Variants in POLR3F observed in about 807,000 individuals in gnomAD.
POLR3F encodes RNA polymerase III subunit F.
A neutral mutation model predicts 43.6 loss-of-function variants in POLR3F; 31 were observed. That is an observed-to-expected ratio of 0.71 (90% CI 0.53 to 0.96). The LOEUF is 0.96. Ranked by LOEUF, POLR3F falls within the 40% of genes least tolerant of loss-of-function variation. The pLI is 0.00. For synonymous variants in POLR3F, 114 were observed against 132.5 expected, an observed-to-expected ratio of 0.86 and a Z score of 0.96; for missense variants, 316 against 391.7, an observed-to-expected ratio of 0.81 and a Z score of 1.63.
At position 18,472,907 on chromosome 20, in the gene POLR3F, T is replaced by C; in HGVS notation, c.246T>C (p.Ala82=). The change falls in exon 3 of 9, where the codon GCT becomes GCC. Residue 82 remains alanine, a splice_region_variant and synonymous_variant. Coordinates refer to ENST00000377603, the MANE Select transcript of POLR3F (RefSeq NM_006466.4). ...ATAGAATAAAGGACTCTCAGAATGC[T>C]GGGTAAGTACTTGTTTTTTTAATTT... is the stretch of plus-strand genomic sequence containing the variant. ...LLYRIKDSQN[A]GKMKGSDNQE... is the part of the protein sequence containing the mutation. 7.2e-7 allele frequency: 1 copy of C among 1,388,734 alleles called. No individual in the cohort carries two copies. Among genetic ancestry groups the C allele is most frequent in the Non-Finnish European group, 1.0e-6 (1 of 990,362 alleles). The allele number at this position is 1,388,734 out of a possible 1,614,324, so 86.0% of individuals were successfully genotyped here. A position where few individuals can be genotyped will look rare whatever the true frequency, so the allele number is the denominator to read the frequency against.
At chr20:18,475,607 G>T (rs916407489) in intron 5 of POLR3F, among the ~76,000 whole-genome samples, 2 of 152,192 alleles carry the variant, frequency 1.3e-5, no homozygotes, top group Non-Finnish European at 2.9e-5. Context: ...TAGTACACGT[G>T]TGTTTTTCCT....
At position 18,484,271 on chromosome 20, in the gene POLR3F, T is replaced by C; in HGVS notation, c.*713T>C. 2.5e-6 allele frequency: 1 copy of C among 397,498 alleles called. No individual in the cohort carries two copies. The highest frequency in any genetic ancestry group is 4.4e-6 in the Non-Finnish European group (1 of 225,532). 24.6% of individuals were successfully genotyped at this position (397,498 alleles called of 1,614,324 possible). On this transcript the variant is annotated 3_prime_UTR_variant, in exon 9 of 9. Coordinates refer to ENST00000377603, the MANE Select transcript of POLR3F (RefSeq NM_006466.4). ...TTCCTTCTTTCTTAAAGTCTTATGT[T>C]TCACTCTTTAACTCAAATGTATTCT...
chr20:18,474,419 T>C (rs1207676730), intron 4 of POLR3F, among the ~76,000 whole-genome samples: 3 of 152,204 alleles, frequency 2.0e-5, no homozygotes, highest in Admixed American at 2.0e-4. Context: ...ATTTACAATC[T>C]AAAATGAAAG....
intron 2 of POLR3F, 135 bp downstream of exon 2, chr20:18,469,196 T>C: frequency 1.5e-6 from 1 of 653,784 alleles, no homozygotes; most frequent in South Asian, 1.8e-5. Flanking sequence ...TTAAATATTT[T>C]ATTGGAGTGT....
At chr20:18,472,317 G>A (rs1398597905) in intron 2 of POLR3F, among the ~76,000 whole-genome samples, 2 of 151,932 alleles carry the variant, frequency 1.3e-5, no homozygotes, top group African/African-American at 2.4e-5. Context: ...CCATGTAGCC[G>A]GGACTACAGG....
intron 4 of POLR3F, among the ~76,000 whole-genome samples, chr20:18,473,780 T>C (rs2059766139): frequency 6.6e-6 from 1 of 152,204 alleles, no homozygotes; most frequent in South Asian, 2.1e-4. Flanking sequence ...TATATGACCA[T>C]GGACAAGTTA....
rs776490073 is a variant in POLR3F, at chr20:18,467,501, G to A, written c.-6G>A. 6.2e-7 allele frequency: 1 copy of A among 1,614,238 alleles called. No homozygotes were observed. Among genetic ancestry groups the A allele is most frequent in the Non-Finnish European group, 8.5e-7 (1 of 1,180,030 alleles). ...TTTCCCCCCAGGCGTCAGGAACTGCGCCCTCATGGCGGAGGTGAAGGTGAA... is the reference window on the plus strand; with the variant it reads ...TTTCCCCCCAGGCGTCAGGAACTGCACCCTCATGGCGGAGGTGAAGGTGAA... On this transcript the variant is annotated 5_prime_UTR_variant, in exon 1 of 9. Coordinates refer to ENST00000377603, the MANE Select transcript of POLR3F (RefSeq NM_006466.4).
At chr20:18,479,997 GTTATC>G (rs2059801774) in intron 5 of POLR3F, 36 bp from the exon 6 acceptor site, 2 of 1,503,374 alleles carry the variant, frequency 1.3e-6, no homozygotes, top group Non-Finnish European at 1.8e-6. Context: ...TTTGGAAATT[GTTATC>G]TTATAAACAC....
At chr20:18,481,876 G>C (rs890262245) in intron 8 of POLR3F, 66 bp downstream of exon 8, 11 of 940,018 alleles carry the variant, frequency 1.2e-5, no homozygotes, top group Admixed American at 2.0e-5. Context: ...TTAAGAAACA[G>C]AGCAAGCACA....
chr20:18,480,584 A>C, intron 7 of POLR3F, 75 bp downstream of exon 7: 1 of 808,022 alleles, frequency 1.2e-6, no homozygotes, highest in Non-Finnish European at 1.9e-6. Flanking sequence ...CATGTATTTG[A>C]CCCACATTGT....
chr20:18,477,095 A>AC (rs1382303203), intron 5 of POLR3F, among the ~76,000 whole-genome samples: 33 of 149,838 alleles, frequency 2.2e-4, no homozygotes, highest in African/African-American at 6.6e-4. Context: ...AAAAAAAAAA[A>AC]ACACACAATG....
chr20:18,483,230 A>T (rs1167499075), intron 8 of POLR3F, among the ~76,000 whole-genome samples: 1 of 152,090 alleles, frequency 6.6e-6, no homozygotes, highest in African/African-American at 2.4e-5. Context: ...ACGCTCAGCT[A>T]ATTTTTGTAT....
intron 4 of POLR3F, among the ~76,000 whole-genome samples, chr20:18,474,430 T>A (rs1331836343): frequency 6.6e-6 from 1 of 152,186 alleles, no homozygotes; most frequent in Non-Finnish European, 1.5e-5. Flanking sequence ...AAAATGAAAG[T>A]ATCAGAAAAC....
At chr20:18,482,285 C>T (rs1230876262) in intron 8 of POLR3F, among the ~76,000 whole-genome samples, 1 of 151,944 alleles carries the variant, frequency 6.6e-6, no homozygotes, top group Non-Finnish European at 1.5e-5. Context: ...TACCTGGCCC[C>T]CTGCTTTACA....
chr20:18,480,174 A>G lies in POLR3F; in HGVS notation c.566A>G (p.Gln189Arg), dbSNP rs771044301. The change falls in exon 6 of 9, where the codon CAG becomes CGG. Residue 189 changes from glutamine to arginine, a missense_variant. Physicochemically the swap from Gln to Arg is conservative, Grantham distance 43. Transcript: ENST00000377603. ...AACCAACAGTGTTTTAAATTCCTAC[A>G]GTCCAAGGTGAGGTATGATTGAGGA... ...VLNQQCFKFL[Q>R]SKAETARESK... 6.2e-7 allele frequency: 1 copy of G among 1,611,722 alleles called. No homozygotes were observed. Among genetic ancestry groups the G allele is most frequent in the Non-Finnish European group, 8.5e-7 (1 of 1,178,516 alleles).
intron 5 of POLR3F, among the ~76,000 whole-genome samples, chr20:18,476,055 CTTTATG>C (rs1162190537): frequency 5.3e-5 from 8 of 152,180 alleles, no homozygotes; most frequent in Non-Finnish European, 8.8e-5. Context: ...CCTTCTACAT[CTTTATG>C]TTTAATAACA....
rs1395389931 is a variant in POLR3F at position 18,481,684 on chromosome 20, G to A, written c.747G>A (p.Glu249=). 1 of 1,613,008 alleles carries A rather than the reference G, an allele frequency of 6.2e-7. No homozygotes were observed. The highest frequency in any genetic ancestry group is 8.5e-7 in the Non-Finnish European group (1 of 1,178,918). The change falls in exon 8 of 9, where the codon GAG becomes GAA. Residue 249 remains glutamate, a synonymous_variant. Transcript: ENST00000377603. ...CACTCATTTATGATGGAAAAGTGGA[G>A]ATGACGATTATTGCTGCAAAAGAAG... ...LNTLIYDGKV[E]MTIIAAKEGT...
intron 5 of POLR3F, 23 bp from the exon 6 acceptor site, chr20:18,480,015 G>A (rs2059801866): frequency 1.3e-6 from 2 of 1,563,630 alleles, no homozygotes; most frequent in African/African-American, 1.4e-5. Flanking sequence ...ATAAACACAT[G>A]AACTGTGCAT....
intron 7 of POLR3F, among the ~76,000 whole-genome samples, chr20:18,480,883 AG>A (rs1349649795): frequency 6.6e-6 from 1 of 152,128 alleles, no homozygotes. Context: ...TGCTTTTCAC[AG>A]TGAAGAAATC....
Sources: gnomAD v4.1 joint callset for allele counts (sites outside exome capture counted in the v4.1 genomes callset) on GRCh38, gnomAD v4.1.1 for gene constraint, MANE v1.5 for transcripts, NCBI Gene and HGNC (gene_info 2026-07-23, HGNC 2026-07-21) for gene names.